The following DLG2 variants were observed in gnomAD, a reference collection of about 807,000 sequenced individuals.
DLG2 encodes disks large homolog 2.
In DLG2, 45 loss-of-function variants were observed where a neutral mutation model predicts 132.5. The observed-to-expected ratio is 0.34, with a 90% CI of 0.27 to 0.44. The LOEUF (loss-of-function observed/expected upper bound fraction) is 0.44, where lower values mean the gene tolerates loss of function less well. Among genes scored for constraint, DLG2 ranks in the 20% least tolerant of loss-of-function variants. The probability of loss-of-function intolerance (pLI) is 1.00; values close to 1 mark genes in which losing one functional copy is unlikely to be tolerated. For synonymous variants in DLG2, 424 were observed against 419.6 expected (o/e 1.01, Z -0.13); for missense variants, 1,045 against 1,196.9 (o/e 0.87, Z 1.87).
At position 85,477,535 on chromosome 11, in the gene DLG2, A is replaced by C. The variant is rs574706113; in HGVS notation, c.40+121122T>G. ...TGGTAACAGTTATTCTACATTTACTAATCTAATCTTTGCCACCATTTCTTT... is the reference window on the plus strand; with the variant it reads ...TGGTAACAGTTATTCTACATTTACTCATCTAATCTTTGCCACCATTTCTTT... On this transcript the variant is annotated intron_variant, in intron 3 of 27. Coordinates refer to ENST00000376104, the MANE Select transcript of DLG2 (RefSeq NM_001142699.3). Among the ~76,000 whole-genome samples the C allele has an allele frequency of 3.3e-5, 5 of 152,344 alleles. No homozygotes were observed. The East Asian group carries it at 9.6e-4, about 29-fold the overall frequency.
chr11:85,317,897 GAA>G (rs2080799830), intron 3 of DLG2, among the ~76,000 whole-genome samples: 1 of 151,374 alleles, frequency 6.6e-6, no homozygotes, highest in Non-Finnish European at 1.5e-5. Flanking sequence ...TATGTACCCT[GAA>G]CCTAAAAAAA....
intron 7 of DLG2, among the ~76,000 whole-genome samples, chr11:84,290,928 C>G (rs948602114): frequency 3.9e-4 from 59 of 152,116 alleles, no homozygotes; most frequent in Non-Finnish European, 6.8e-4. Context: ...TTTATTGTCT[C>G]ATCTAAAAAT....
At chr11:85,460,567 G>A (rs1022783090) in intron 3 of DLG2, among the ~76,000 whole-genome samples, 16 of 152,138 alleles carry the variant, frequency 1.1e-4, no homozygotes, top group Non-Finnish European at 1.3e-4. Context: ...GAACCCTAAT[G>A]TTTCCATCTA....
chr11:85,012,138 A>ACGGAGAAAC (rs1566644256), intron 6 of DLG2, among the ~76,000 whole-genome samples: 6 of 76,344 alleles, frequency 7.9e-5, no homozygotes, highest in South Asian at 3.8e-4. Flanking sequence ...CCTGACCAAC[A>ACGGAGAAAC]TAATCTATGT....
At chr11:84,783,466 G>A (rs2072201786) in intron 6 of DLG2, among the ~76,000 whole-genome samples, 1 of 152,062 alleles carries the variant, frequency 6.6e-6, no homozygotes, top group Non-Finnish European at 1.5e-5. Context: ...AGCATTTTCT[G>A]TTCTCCAAGG....
At chr11:84,370,290 AT>A (rs2098700832) in intron 7 of DLG2, among the ~76,000 whole-genome samples, 1 of 152,164 alleles carries the variant, frequency 6.6e-6, no homozygotes, top group Non-Finnish European at 1.5e-5. Flanking sequence ...TAAAATCCTT[AT>A]GAAAATTTGA....
At chr11:83,916,707 C>T (rs1343083559) in intron 15 of DLG2, among the ~76,000 whole-genome samples, 1 of 152,130 alleles carries the variant, frequency 6.6e-6, no homozygotes. Context: ...TTTCCCCATC[C>T]CAATCATACT....
intron 3 of DLG2, among the ~76,000 whole-genome samples, chr11:85,375,323 CAG>C (rs1212457765): frequency 6.6e-6 from 1 of 152,176 alleles, no homozygotes; most frequent in Non-Finnish European, 1.5e-5. Context: ...TAGATCTTCA[CAG>C]TTAAGAAGTG....
intron 6 of DLG2, among the ~76,000 whole-genome samples, chr11:84,798,953 G>A (rs892664724): frequency 6.6e-5 from 10 of 152,162 alleles, no homozygotes; most frequent in Non-Finnish European, 7.4e-5. Flanking sequence ...GCAAGACAAC[G>A]TCCTCTTTAC....
intron 6 of DLG2, among the ~76,000 whole-genome samples, chr11:85,037,184 C>A (rs2061498347): frequency 6.6e-6 from 1 of 152,130 alleles, no homozygotes; most frequent in Non-Finnish European, 1.5e-5. Context: ...TGGTCTTTGC[C>A]ACCCTGAGTT....
intron 19 of DLG2, among the ~76,000 whole-genome samples, chr11:83,556,797 C>G (rs558959939): frequency 3.9e-5 from 6 of 152,140 alleles, no homozygotes; most frequent in Admixed American, 3.3e-4. Context: ...AGAAACTCAG[C>G]CACATTAATT....
At chr11:84,581,816 A>G (rs915770562) in intron 6 of DLG2, among the ~76,000 whole-genome samples, 1 of 149,856 alleles carries the variant, frequency 6.7e-6, no homozygotes, top group Non-Finnish European at 1.5e-5. Context: ...CTGAAGCAGG[A>G]GAATCGCTTG....
At chr11:84,052,449 T>C (rs555152575) in intron 11 of DLG2, among the ~76,000 whole-genome samples, 8 of 151,954 alleles carry the variant, frequency 5.3e-5, no homozygotes, top group Admixed American at 2.6e-4. Context: ...AATCTGTCCA[T>C]CTGACAAAGG....
intron 3 of DLG2, among the ~76,000 whole-genome samples, chr11:85,353,942 C>T (rs996192961): frequency 1.3e-5 from 2 of 149,800 alleles, no homozygotes; most frequent in Non-Finnish European, 3.0e-5. Flanking sequence ...ACATGTGTAA[C>T]AAATCTGCAC....
At chr11:85,275,012 G>A (rs1264993317) in intron 4 of DLG2, among the ~76,000 whole-genome samples, 1 of 152,130 alleles carries the variant, frequency 6.6e-6, no homozygotes. Flanking sequence ...GTATCTTCGG[G>A]AAGATACCCT....
chr11:83,485,172 G>A (rs950829990), intron 21 of DLG2, among the ~76,000 whole-genome samples: 23 of 152,102 alleles, frequency 1.5e-4, no homozygotes, highest in Non-Finnish European at 2.2e-4. Context: ...TATTCCATTA[G>A]CTTAAATGAG....
chr11:85,242,138 A>G (rs1165501826), intron 4 of DLG2, among the ~76,000 whole-genome samples: 1 of 151,938 alleles, frequency 6.6e-6, no homozygotes, highest in Non-Finnish European at 1.5e-5. Flanking sequence ...AGGAGAATAA[A>G]TGGATTATAG....
chr11:84,952,119 A>G (rs1023033009), intron 6 of DLG2, among the ~76,000 whole-genome samples: 2 of 152,232 alleles, frequency 1.3e-5, no homozygotes, highest in Non-Finnish European at 2.9e-5. Flanking sequence ...TACAAATCCA[A>G]TTATGCTTAC....
intron 6 of DLG2, among the ~76,000 whole-genome samples, chr11:85,046,964 C>A (rs1456579034): frequency 6.6e-6 from 1 of 151,606 alleles, no homozygotes; most frequent in East Asian, 1.9e-4. Flanking sequence ...TGTTTGTTGA[C>A]AATTTCTAAA....
Sources: gnomAD v4.1 joint callset for allele counts (sites outside exome capture counted in the v4.1 genomes callset) on GRCh38, gnomAD v4.1.1 for gene constraint, MANE v1.5 for transcripts, NCBI Gene and HGNC (gene_info 2026-07-23, HGNC 2026-07-21) for gene names.